Variants in EPB41 observed in about 807,000 individuals in gnomAD.
The protein encoded by EPB41 is protein 4.1.
EPB41 carries 65 observed loss-of-function variants against 108.0 expected under a neutral mutation model. The ratio of observed to expected loss-of-function variants is 0.60; its 90% CI spans 0.49 to 0.74. The LOEUF (loss-of-function observed/expected upper bound fraction) is 0.74, where lower values mean the gene tolerates loss of function less well. EPB41 is among the 30% of genes least tolerant of loss of function. The pLI is 0.00. For synonymous variants in EPB41, 336 were observed against 358.9 expected, an observed-to-expected ratio of 0.94 and a Z score of 0.72; for missense variants, 875 against 1,037.0, an observed-to-expected ratio of 0.84 and a Z score of 2.15.
intron 13 of EPB41, 34 bp from the exon 14 acceptor site, chr1:29,058,777 A>G (rs1238495836): frequency 6.5e-7 from 1 of 1,537,378 alleles, no homozygotes; most frequent in Non-Finnish European, 8.8e-7. Context: ...ACATTTTATC[A>G]TTTTTCTTTC....
chr1:29,052,599 A>G (rs1053481863), intron 11 of EPB41, among the ~76,000 whole-genome samples: 26 of 152,226 alleles, frequency 1.7e-4, no homozygotes, highest in African/African-American at 6.0e-4. Flanking sequence ...AGAGCCATTT[A>G]TCAAGTTATT....
intron 19 of EPB41, among the ~76,000 whole-genome samples, chr1:29,113,708 C>T (rs1669972949): frequency 6.6e-6 from 1 of 152,176 alleles, no homozygotes; most frequent in Admixed American, 6.5e-5. Context: ...CTAGTTTTAC[C>T]ATCTGTAAAA....
chr1:28,940,769 A>G (rs1413539149), intron 1 of EPB41, among the ~76,000 whole-genome samples: 1 of 152,254 alleles, frequency 6.6e-6, no homozygotes, highest in African/African-American at 2.4e-5. Context: ...GTAGGGAAAC[A>G]AAAACATCCA....
intron 1 of EPB41, among the ~76,000 whole-genome samples, chr1:28,964,785 T>C (rs1319968996): frequency 6.6e-6 from 1 of 152,196 alleles, no homozygotes; most frequent in Non-Finnish European, 1.5e-5. Flanking sequence ...CTATATTTTA[T>C]ACTCCAGCTA....
intron 17 of EPB41, among the ~76,000 whole-genome samples, chr1:29,102,585 T>TTTA (rs144948220): frequency 1.4e-4 from 21 of 151,662 alleles, no homozygotes; most frequent in East Asian, 3.9e-4. Context: ...AAAATTTTAT[T>TTTA]TTATTATTAT....
chr1:28,902,610 C>T (rs1310843951), intron 1 of EPB41, among the ~76,000 whole-genome samples: 2 of 152,120 alleles, frequency 1.3e-5, no homozygotes, highest in Non-Finnish European at 2.9e-5. Context: ...AGACAGTATC[C>T]TGCAATGTTT....
At chr1:28,985,139 T>C (rs2095845809) in intron 1 of EPB41, among the ~76,000 whole-genome samples, 1 of 151,978 alleles carries the variant, frequency 6.6e-6, no homozygotes, top group Non-Finnish European at 1.5e-5. Flanking sequence ...AATTTTTGTA[T>C]TTTTAGTAGA....
intron 11 of EPB41, among the ~76,000 whole-genome samples, chr1:29,047,689 C>A (rs921482406): frequency 6.6e-6 from 1 of 151,778 alleles, no homozygotes; most frequent in Non-Finnish European, 1.5e-5. Context: ...TAAGTTGTAC[C>A]TTTTTGTTTC....
chr1:29,051,880 A>C (rs991003524), intron 11 of EPB41, among the ~76,000 whole-genome samples: 4 of 137,780 alleles, frequency 2.9e-5, no homozygotes, highest in African/African-American at 1.1e-4. Flanking sequence ...CCTAGGCGAC[A>C]GGGCAAGACT....
intron 16 of EPB41, among the ~76,000 whole-genome samples, chr1:29,091,638 C>T (rs886810773): frequency 6.6e-6 from 1 of 151,974 alleles, no homozygotes; most frequent in Non-Finnish European, 1.5e-5. Flanking sequence ...TCTTCAGAAC[C>T]CTATAAGTCA....
At chr1:29,009,944 G>A (rs912915609) in intron 4 of EPB41, among the ~76,000 whole-genome samples, 2 of 152,162 alleles carry the variant, frequency 1.3e-5, no homozygotes, top group African/African-American at 2.4e-5. Context: ...AAAATGTGGT[G>A]TTCAAGCCCA....
rs1287643655 is a variant in EPB41, at chr1:29,056,189, G to A, written c.1846-2400G>A. Reference sequence around the variant, plus strand: ...GCGGAGCTTGCAGTGAGCCGAGATCGCGCCGCTGCACTCCAGCCTGGGTGA... The same window carrying A: ...GCGGAGCTTGCAGTGAGCCGAGATCACGCCGCTGCACTCCAGCCTGGGTGA... On this transcript the variant is annotated intron_variant, in intron 12 of 20. Transcript: ENST00000343067. Among the ~76,000 whole-genome samples, 28 of 149,194 alleles carry A rather than the reference G, an allele frequency of 1.9e-4. No individual in the cohort carries two copies. The East Asian group carries it at 5.0e-3, about 27-fold the overall frequency.
intron 1 of EPB41, among the ~76,000 whole-genome samples, chr1:28,941,894 C>CAAAAAAAAAAAAAAAAAAAA (rs58524634): frequency 1.5e-5 from 1 of 64,872 alleles, no homozygotes; most frequent in Non-Finnish European, 2.8e-5. Flanking sequence ...AGCTCTGTCT[C>CAAAAAAAAAAAAAAAAAAAA]AAAAAAAAAA....
chr1:28,996,997 T>A (rs2096194851), intron 3 of EPB41, among the ~76,000 whole-genome samples: 1 of 151,906 alleles, frequency 6.6e-6, no homozygotes, highest in African/African-American at 2.4e-5. Context: ...CAAAAAATTT[T>A]AAAAATTAGT....
At chr1:29,002,259 T>C (rs2096308661) in intron 4 of EPB41, among the ~76,000 whole-genome samples, 1 of 150,878 alleles carries the variant, frequency 6.6e-6, no homozygotes, top group Admixed American at 6.6e-5. Context: ...GCCCAGGAGT[T>C]TTGAGACTAG....
chr1:29,112,446 C>A lies in EPB41; in HGVS notation c.2494C>A (p.Gln832Lys). The change falls in exon 19 of 21, where the codon CAG becomes AAG. Residue 832 changes from glutamine (Q) to lysine (K), a missense_variant and splice_region_variant. This residue lies in a region of EPB41 where 519 missense variants were observed against 627.3 expected (regional missense o/e 0.83). Transcript: ENST00000343067. ...ITGDADIDHD[Q>K]VLVQAIKEAK... ...AGGAGATGCTGATATTGACCATGATCAGGTGGGAATGTTGAAGAGATCTGG... is the reference window on the plus strand; with the variant it reads ...AGGAGATGCTGATATTGACCATGATAAGGTGGGAATGTTGAAGAGATCTGG... 6.2e-7 allele frequency: 1 copy of A among 1,613,434 alleles called. No individual in the cohort carries two copies. Among genetic ancestry groups the A allele is most frequent in the South Asian group, 1.1e-5 (1 of 91,054 alleles).
intron 1 of EPB41, among the ~76,000 whole-genome samples, chr1:28,896,766 A>G (rs1439984029): frequency 6.6e-6 from 1 of 152,096 alleles, no homozygotes; most frequent in Non-Finnish European, 1.5e-5. Context: ...GGCAGGAGGA[A>G]CTGTCCAGGT....
chr1:29,058,783 C>A lies in EPB41; in HGVS notation c.1903-28C>A, dbSNP rs779523924. 4 of 1,537,706 alleles carry A rather than the reference C, an allele frequency of 2.6e-6. No homozygotes were observed. In the African/African-American group the frequency reaches 4.2e-5, roughly 16 times the overall value. On this transcript the variant is annotated intron_variant, in intron 13 of 20. Coordinates refer to ENST00000343067, the MANE Select transcript of EPB41 (RefSeq NM_001376013.1). ...CAATGAGCAACATTTTATCATTTTT[C>A]TTTCTTTTTTAAATTATGGCAAAAC...
rs1299176882 is a variant in EPB41, at chr1:29,112,463, GA to G, written c.2496+16del. On this transcript the variant is annotated intron_variant, in intron 19 of 20. Coordinates refer to ENST00000343067, the MANE Select transcript of EPB41 (RefSeq NM_001376013.1). ...ACCATGATCAGGTGGGAATGTTGAA[GA>G]GATCTGGGCCTGGGAGGGGTCCCTG... 1.2e-6 allele frequency: 2 copies of G among 1,610,488 alleles called. No individual in the cohort carries two copies. Among genetic ancestry groups the G allele is most frequent in the Non-Finnish European group, 1.7e-6 (2 of 1,176,888 alleles).
Sources: gnomAD v4.1 joint callset for allele counts (sites outside exome capture counted in the v4.1 genomes callset) on GRCh38, gnomAD v4.1.1 for gene constraint, gnomAD v4.1.1 regional missense constraint, MANE v1.5 for transcripts, NCBI Gene and HGNC (gene_info 2026-07-23, HGNC 2026-07-21) for gene names.